Variants in MAP7D2 observed in about 807,000 individuals in gnomAD.
The protein encoded by MAP7D2 is MAP7 domain-containing protein 2.
MAP7D2 carries 33 observed loss-of-function variants against 63.5 expected under a neutral mutation model. The observed-to-expected ratio is 0.52, with a 90% CI of 0.39 to 0.70. The LOEUF (loss-of-function observed/expected upper bound fraction) is 0.70. MAP7D2 is among the 30% of genes least tolerant of loss of function. The pLI, the probability that MAP7D2 is intolerant of heterozygous loss-of-function variation, is 0.00. For missense variants in MAP7D2, 626 were observed against 604.0 expected (o/e 1.04, Z -0.38); for synonymous variants, 224 against 223.7 (o/e 1.00, Z -0.01).
At chrX:20,115,645 T>G (rs772443510) in intron 1 of MAP7D2, among the ~76,000 whole-genome samples, 44 of 111,736 alleles carry the variant, frequency 3.9e-4, no homozygotes, top group African/African-American at 1.3e-3. Flanking sequence ...CTCCTCCTCC[T>G]AAGAATGATG....
intron 1 of MAP7D2, among the ~76,000 whole-genome samples, chrX:20,112,288 C>G (rs1424323220): frequency 8.9e-6 from 1 of 112,069 alleles, no homozygotes; most frequent in East Asian, 2.8e-4. Context: ...CCAAGGATCT[C>G]AGGCATTTGG....
At chrX:20,032,176 T>C (rs1603360991) in intron 8 of MAP7D2, among the ~76,000 whole-genome samples, 1 of 112,442 alleles carries the variant, frequency 8.9e-6, no homozygotes, top group Admixed American at 9.4e-5. Flanking sequence ...CAAATGATCC[T>C]CTGATAAGAC....
chrX:20,099,244 CTCTCT>C (rs2066361720), intron 1 of MAP7D2, among the ~76,000 whole-genome samples: 1 of 101,271 alleles, frequency 9.9e-6, no homozygotes, highest in Non-Finnish European at 2.0e-5. Flanking sequence ...TACTCTCTCT[CTCTCT>C]CTCTCTCTCT....
intron 1 of MAP7D2, among the ~76,000 whole-genome samples, chrX:20,098,845 A>G (rs2066347058): frequency 8.9e-6 from 1 of 112,398 alleles, no homozygotes; most frequent in Admixed American, 9.4e-5. Flanking sequence ...CATCTCAAAC[A>G]CAGCAGGCAG....
At chrX:20,070,569 A>T (rs2065478164) in intron 1 of MAP7D2, among the ~76,000 whole-genome samples, 2 of 111,442 alleles carry the variant, frequency 1.8e-5, no homozygotes, top group Admixed American at 1.9e-4. Context: ...ACCCAGGAGA[A>T]GGACAAAGAG....
chrX:20,027,495 G>T (rs2073891273), intron 8 of MAP7D2, among the ~76,000 whole-genome samples: 1 of 111,596 alleles, frequency 9.0e-6, no homozygotes, highest in Admixed American at 9.5e-5. Context: ...GTGCTTTGTT[G>T]TGGGGTTGTC....
intron 1 of MAP7D2, among the ~76,000 whole-genome samples, chrX:20,073,208 G>T (rs771692198): frequency 9.0e-6 from 1 of 111,481 alleles, no homozygotes; most frequent in South Asian, 3.7e-4. Flanking sequence ...GATATATCTG[G>T]TTCCAAAGGC....
At chrX:20,060,430 GAGAGAAAGAAAGAA>G (rs1299567566) in intron 3 of MAP7D2, among the ~76,000 whole-genome samples, 7 of 58,868 alleles carry the variant, frequency 1.2e-4, no homozygotes, top group South Asian at 9.2e-4. Context: ...GAGAGAGAGA[GAGAGAAAGAAAGAA>G]AGAAAGAAAG....
At chrX:20,103,889 G>A (rs750793080) in intron 1 of MAP7D2, among the ~76,000 whole-genome samples, 2 of 111,392 alleles carry the variant, frequency 1.8e-5, no homozygotes, top group South Asian at 7.6e-4. Context: ...ATGCCAAAGT[G>A]TAAATAATCC....
At chrX:20,114,051 C>T (rs1000232778) in intron 1 of MAP7D2, among the ~76,000 whole-genome samples, 3 of 111,534 alleles carry the variant, frequency 2.7e-5, no homozygotes, top group South Asian at 3.8e-4. Flanking sequence ...GTTTTTCTTT[C>T]GAGACGGAGT....
chrX:20,092,358 C>G (rs993570331), intron 1 of MAP7D2, among the ~76,000 whole-genome samples: 1 of 111,388 alleles, frequency 9.0e-6, no homozygotes, highest in Non-Finnish European at 1.9e-5. Context: ...CCTCCCCCTA[C>G]CAATGTCTCT....
At chrX:20,024,637 A>G (rs1209767596) in intron 10 of MAP7D2, among the ~76,000 whole-genome samples, 1 of 112,086 alleles carries the variant, frequency 8.9e-6, no homozygotes, top group African/African-American at 3.3e-5. Flanking sequence ...CAAAGTTCAG[A>G]CTTCCCTGAT....
At chrX:20,056,659 C>T (rs774988210) in intron 4 of MAP7D2, 21 bp downstream of exon 4, 19 of 1,180,356 alleles carry the variant, frequency 1.6e-5, no homozygotes, top group South Asian at 1.1e-4. Context: ...ACCTGAAATA[C>T]AGGGGCAACC....
intron 7 of MAP7D2, among the ~76,000 whole-genome samples, chrX:20,043,116 T>C (rs1569519208): frequency 9.0e-6 from 1 of 110,809 alleles, no homozygotes; most frequent in Non-Finnish European, 1.9e-5. Context: ...CTGCAGAAAG[T>C]GCTCCACAAG....
At position 20,016,112 on chromosome X, in the gene MAP7D2, T is replaced by G. The variant is rs1490536764; in HGVS notation, c.1626A>C (p.Lys542Asn). 8.3e-7 allele frequency: 1 copy of G among 1,208,218 alleles called. No individual in the cohort carries two copies. The highest frequency in any genetic ancestry group is 2.2e-5 in the Admixed American group (1 of 45,585). ...ACAGTACCTGCTTTTCAATCATGGC[T>G]TTCTCTTGTTTTTCTTGTTCTTGCT... is the stretch of plus-strand genomic sequence containing the variant. The part of the protein sequence containing the change: ...KEKQEQEKQE[K>N]AMIEKQKEAA... The change falls in exon 11 of 17, where the codon AAA (lysine) becomes AAC (asparagine). Residue 542 changes from lysine (K) to asparagine (N), a missense_variant. Transcript: ENST00000379643.
At chrX:20,072,080 T>C (rs772911336) in intron 1 of MAP7D2, among the ~76,000 whole-genome samples, 3 of 111,867 alleles carry the variant, frequency 2.7e-5, no homozygotes, top group Non-Finnish European at 3.8e-5. Context: ...TTATGTCCCA[T>C]TGATGGAAAC....
At chrX:20,034,908 C>T (rs1255145592) in intron 8 of MAP7D2, among the ~76,000 whole-genome samples, 1 of 111,449 alleles carries the variant, frequency 9.0e-6, no homozygotes, top group African/African-American at 3.3e-5. Flanking sequence ...AATACTAACA[C>T]CAAGCAATGA....
chrX:20,053,672 G>A lies in MAP7D2; in HGVS notation c.485-684C>T, dbSNP rs1004654857. Among the ~76,000 whole-genome samples, 4 of 111,623 alleles carry A rather than the reference G, an allele frequency of 3.6e-5. No homozygotes were observed. In the East Asian group the frequency reaches 1.1e-3, roughly 31 times the overall value. ...AACAAAGAGATGCTGACAGTGCCCT[G>A]CCAAGCTAAGTTAGAGCCTGAGGCC... On this transcript the variant is annotated intron_variant, in intron 4 of 16. Coordinates refer to ENST00000379643, the MANE Select transcript of MAP7D2 (RefSeq NM_001168465.2).
At chrX:20,106,564 G>A (rs1403043336) in intron 1 of MAP7D2, among the ~76,000 whole-genome samples, 1 of 112,079 alleles carries the variant, frequency 8.9e-6, no homozygotes, top group East Asian at 2.8e-4. Flanking sequence ...AACTCCCTGC[G>A]TGATGGAAAT....
Sources: allele counts gnomAD v4.1 joint callset (sites outside exome capture counted in the v4.1 genomes callset), GRCh38; gene constraint gnomAD v4.1.1; transcripts MANE v1.5; gene names NCBI Gene and HGNC (gene_info 2026-07-23, HGNC 2026-07-21).